SPART: variants seen among roughly 807,000 people sequenced by gnomAD.
SPART encodes spartin, also known as spastic paraplegia 20 (Troyer syndrome).
SPART carries 35 observed loss-of-function variants against 58.7 expected under a neutral mutation model. The ratio of observed to expected loss-of-function variants is 0.60; its 90% CI spans 0.46 to 0.79. The LOEUF (loss-of-function observed/expected upper bound fraction) is 0.79, where lower values mean the gene tolerates loss of function less well. Among genes scored for constraint, SPART ranks in the 30% least tolerant of loss-of-function variants. The pLI, the probability that SPART is intolerant of heterozygous loss-of-function variation, is 0.00. For synonymous variants in SPART, 284 were observed against 280.7 expected (o/e 1.01, Z -0.12); for missense variants, 730 against 786.1 (o/e 0.93, Z 0.85).
At chr13:36,369,801 G>T (rs1886202858) in intron 1 of SPART, among the ~76,000 whole-genome samples, 1 of 152,192 alleles carries the variant, frequency 6.6e-6, no homozygotes, top group Non-Finnish European at 1.5e-5. Context: ...TTCATGGTGT[G>T]CAAGGCAGTG....
chr13:36,335,139 A>T lies in SPART; in HGVS notation c.692T>A (p.Phe231Tyr), dbSNP rs377161254. 19 of 1,614,174 alleles carry T rather than the reference A, an allele frequency of 1.2e-5. No homozygotes were observed. The African/African-American group carries it at 2.0e-4, about 17-fold the overall frequency. The change falls in exon 2 of 9, where the codon TTT (phenylalanine) becomes TAT (tyrosine). Residue 231 changes from phenylalanine (F) to tyrosine (Y), a missense_variant. Phe to Tyr is a conservative substitution (Grantham distance 22). Transcript: ENST00000438666. ...LILIPNGVQI[F>Y]FVNPAGEVSA... ...AACCTCCCCTGCAGGATTTACAAAA[A>T]AAATCTGTACTCCATTTGGTATCAA...
Position 36,312,177 on chromosome 13 carries a change from A to T in SPART, c.1701T>A (p.Val567=). Residue 567 remains valine (V), a synonymous_variant, in exon 8 of 9, where the codon GTT becomes GTA. Transcript: ENST00000438666. Reference sequence around the variant, plus strand: ...TGACAGTTTGTACAGTTTCTGCTGAAACATTGTTAACGATGCATTTAGCTG... The same window carrying T: ...TGACAGTTTGTACAGTTTCTGCTGATACATTGTTAACGATGCATTTAGCTG... ...ECAAKCIVNN[V]SAETVQTVRY... 6.2e-7 allele frequency: 1 copy of T among 1,614,152 alleles called. No homozygotes were observed.
At chr13:36,341,373 A>G (rs1884570405) in intron 1 of SPART, among the ~76,000 whole-genome samples, 1 of 152,250 alleles carries the variant, frequency 6.6e-6, no homozygotes, top group African/African-American at 2.4e-5. Context: ...TTATCCAAAT[A>G]TATCAAAAAT....
At chr13:36,349,552 T>C (rs142228889), upstream of SPART, among the ~76,000 whole-genome samples, 242 of 152,298 alleles carry the variant, frequency 1.6e-3, no homozygotes, top group African/African-American at 5.6e-3. Context: ...AGCTCATCTG[T>C]AGAAAAGTGT....
At chr13:36,318,755 G>A (rs1416928541) in intron 5 of SPART, among the ~76,000 whole-genome samples, 3 of 152,222 alleles carry the variant, frequency 2.0e-5, no homozygotes, top group East Asian at 3.9e-4. Context: ...AGGAATGCCC[G>A]CAGCCCGGGA....
At chr13:36,333,931 A>C (rs1239609152) in intron 2 of SPART, among the ~76,000 whole-genome samples, 1 of 152,174 alleles carries the variant, frequency 6.6e-6, no homozygotes, top group African/African-American at 2.4e-5. Flanking sequence ...ATGCCCTCAA[A>C]GTATCTCCCT....
intron 3 of SPART, 82 bp downstream of exon 3, chr13:36,331,317 A>C (rs1487709382): frequency 8.8e-6 from 10 of 1,136,468 alleles, no homozygotes; most frequent in Non-Finnish European, 1.3e-5. Flanking sequence ...ATTACAGTAG[A>C]GGTTATTACA....
intron 8 of SPART, among the ~76,000 whole-genome samples, chr13:36,307,680 T>C (rs1488046785): frequency 3.3e-5 from 5 of 152,088 alleles, no homozygotes; most frequent in Non-Finnish European, 7.4e-5. Context: ...AATTATTGAA[T>C]AGGTACTATA....
At chr13:36,368,797 C>T (rs972945586) in intron 1 of SPART, among the ~76,000 whole-genome samples, 2 of 152,050 alleles carry the variant, frequency 1.3e-5, no homozygotes, top group Admixed American at 6.6e-5. Context: ...ATCTGGAGAT[C>T]GAGACCATCT....
At position 36,304,554 on chromosome 13, in the gene SPART, A is replaced by C. The variant is rs2137253165; in HGVS notation, c.1812T>G (p.Ile604Met). 2 of 1,614,138 alleles carry C rather than the reference A, an allele frequency of 1.2e-6. No homozygotes were observed. Among genetic ancestry groups the C allele is most frequent in the South Asian group, 2.2e-5 (2 of 91,080 alleles). Residue 604 changes from isoleucine (I) to methionine (M), a missense_variant, in exon 9 of 9, where the codon ATT becomes ATG. Ile to Met is a conservative substitution (Grantham distance 10). Transcript: ENST00000438666. Reference sequence around the variant, plus strand: ...CCATTGCTTTGATACCAATGTTGTTAATATTGTAGGCAGTTACGCCAACAT... The same window carrying C: ...CCATTGCTTTGATACCAATGTTGTTCATATTGTAGGCAGTTACGCCAACAT... The part of the protein sequence containing the change: ...AVNVGVTAYN[I>M]NNIGIKAMVK...
At position 36,360,274 on chromosome 13, in the gene SPART, G is replaced by GACAGTGC. The variant is rs60377824; in HGVS notation, c.-3+9814_-3+9815insGCACTGT. On this transcript the variant is annotated intron_variant, in intron 1 of 8. Coordinates refer to the SPART transcript ENST00000355182. Reference sequence around the variant, plus strand: ...TGCGCCACTGCACTCCAGCCTGGGTGGAGAAAATTTTTGGAGAAAATTCCT... The same window carrying GACAGTGC: ...TGCGCCACTGCACTCCAGCCTGGGTGACAGTGCGAGAAAATTTTTGGAGAAAATTCCT... 3.8e-4 allele frequency among the ~76,000 whole-genome samples: 52 copies of GACAGTGC among 137,142 alleles called. 3 individuals carry two copies. In the Middle Eastern group the frequency reaches 0.015, roughly 39 times the overall value. 90.0% of individuals were successfully genotyped at this position (137,142 alleles called of 152,430 possible).
upstream of SPART, among the ~76,000 whole-genome samples, chr13:36,347,991 T>G (rs1299257124): frequency 1.3e-5 from 2 of 152,184 alleles, no homozygotes; most frequent in Admixed American, 6.5e-5. Context: ...ATTTCTTTAG[T>G]CTTGCAAATA....
intron 5 of SPART, among the ~76,000 whole-genome samples, chr13:36,320,295 A>G (rs1023571333): frequency 4.6e-5 from 7 of 152,068 alleles, no homozygotes; most frequent in Admixed American, 4.6e-4. Context: ...CCAGACTCCA[A>G]TCCGGCCTCT....
intron 5 of SPART, among the ~76,000 whole-genome samples, chr13:36,321,190 T>C (rs1489808647): frequency 6.6e-6 from 1 of 152,272 alleles, no homozygotes; most frequent in East Asian, 1.9e-4. Context: ...TACTATCTTC[T>C]GTCTACTCAT....
chr13:36,357,393 A>G (rs113244754), intron 1 of SPART, among the ~76,000 whole-genome samples: 8 of 152,282 alleles, frequency 5.3e-5, no homozygotes, highest in Non-Finnish European at 8.8e-5. Context: ...GGAAACAGTC[A>G]TTTTCTTAGA....
intron 1 of SPART, among the ~76,000 whole-genome samples, chr13:36,357,946 G>A (rs1885684590): frequency 6.6e-6 from 1 of 152,120 alleles, no homozygotes; most frequent in Admixed American, 6.5e-5. Context: ...GTTTTGGATG[G>A]AAAGATCGAG....
chr13:36,315,531 A>C (rs1306614264), intron 5 of SPART, among the ~76,000 whole-genome samples: 1 of 152,184 alleles, frequency 6.6e-6, no homozygotes, highest in Non-Finnish European at 1.5e-5. Flanking sequence ...AACAATGAAA[A>C]GTGACATGTA....
intron 1 of SPART, among the ~76,000 whole-genome samples, chr13:36,345,005 A>G (rs747187164): frequency 2.9e-4 from 44 of 152,252 alleles, no homozygotes; most frequent in Non-Finnish European, 6.2e-4. Flanking sequence ...GCATTAAAAT[A>G]CCTAGCAATT....
intron 8 of SPART, 122 bp from the exon 9 acceptor site, chr13:36,304,754 G>A (rs1333322371): frequency 4.9e-6 from 5 of 1,021,316 alleles, no homozygotes; most frequent in Non-Finnish European, 4.2e-6. Context: ...TTAAAGCTTA[G>A]GTTTCAATTT....
Sources: allele counts gnomAD v4.1 joint callset (sites outside exome capture counted in the v4.1 genomes callset), GRCh38; gene constraint gnomAD v4.1.1; transcripts MANE v1.5; gene names NCBI Gene and HGNC (gene_info 2026-07-23, HGNC 2026-07-21).